Variants in PCDHGA2 observed in about 807,000 individuals in gnomAD.
The protein encoded by PCDHGA2 is protocadherin gamma-A2.
Under a neutral mutation model 59.2 loss-of-function variants are expected in PCDHGA2, and 40 were observed. The observed-to-expected ratio is 0.68, with a 90% CI of 0.52 to 0.88. The LOEUF (loss-of-function observed/expected upper bound fraction) is 0.88, where lower values mean the gene tolerates loss of function less well. PCDHGA2 is among the 40% of genes least tolerant of loss of function. The pLI is 0.00. For synonymous variants in PCDHGA2, 560 were observed against 526.0 expected (o/e 1.06, Z -0.89); for missense variants, 1,226 against 1,204.0 (o/e 1.02, Z -0.27).
At position 141,485,729 on chromosome 5, in the gene PCDHGA2, A is replaced by G. The variant is rs2099618322; in HGVS notation, c.2425-9078A>G. 6.2e-7 allele frequency: 1 copy of G among 1,614,092 alleles called. No individual in the cohort carries two copies. The highest frequency in any genetic ancestry group is 1.1e-5 in the South Asian group (1 of 91,094). ...CTTTGCACTGGATGTGAAGAAGCGCAGCGACGGCAGCCTGGTCCCAGAGCT... is the reference window on the plus strand; with the variant it reads ...CTTTGCACTGGATGTGAAGAAGCGCGGCGACGGCAGCCTGGTCCCAGAGCT... On this transcript the variant is annotated intron_variant, in intron 1 of 3. Coordinates refer to ENST00000394576, the MANE Select transcript of PCDHGA2 (RefSeq NM_018915.4). This position sits in a 1 kb window ranked among gnomAD's most constrained non-coding sequence, Gnocchi z 5.7.
intron 1 of PCDHGA2, chr5:141,356,266 G>A: frequency 6.4e-7 from 1 of 1,564,424 alleles, no homozygotes; most frequent in Non-Finnish European, 8.7e-7. Flanking sequence ...CACCAGCTCA[G>A]TCCAGGAATC....
rs980196319 is a variant in PCDHGA2 at position 141,511,604 on chromosome 5, A to C, written c.*431A>C. 3 of 248,420 alleles carry C rather than the reference A, an allele frequency of 1.2e-5. No individual in the cohort carries two copies. Among genetic ancestry groups the C allele is most frequent in the African/African-American group, 6.6e-5 (3 of 45,596 alleles). The allele number at this position is 248,420 out of a possible 1,614,324, so 15.4% of individuals were successfully genotyped here. Reference sequence around the variant, plus strand: ...GGTGTTGAAGTACCAAGTAACCTACAAGCCTCCTAGTTCTGAAAAGTTGGA... The same window carrying C: ...GGTGTTGAAGTACCAAGTAACCTACCAGCCTCCTAGTTCTGAAAAGTTGGA... On this transcript the variant is annotated 3_prime_UTR_variant, in exon 4 of 4. Coordinates refer to ENST00000394576, the MANE Select transcript of PCDHGA2 (RefSeq NM_018915.4).
chr5:141,388,426 T>C, intron 1 of PCDHGA2: 1 of 1,613,864 alleles, frequency 6.2e-7, no homozygotes, highest in Non-Finnish European at 8.5e-7. Context: ...TTCTCACTGA[T>C]AAATAAAGAG....
rs755462760 is a variant in PCDHGA2, at chr5:141,393,015, T to A, written c.2424+51620T>A. On this transcript the variant is annotated intron_variant, in intron 1 of 3. Coordinates refer to ENST00000394576, the MANE Select transcript of PCDHGA2 (RefSeq NM_018915.4). ...GGCGAAGCACGGAGTCCGTATCGTC[T>A]CCAGAGGTAGGACGCAGCTCTTTGC... The A allele has an allele frequency of 1.6e-5, 26 of 1,613,696 alleles. No individual in the cohort carries two copies. The highest frequency in any genetic ancestry group is 1.9e-5 in the Non-Finnish European group (22 of 1,179,874).
At chr5:141,360,870 C>G in intron 1 of PCDHGA2, 2 of 1,613,990 alleles carry the variant, frequency 1.2e-6, no homozygotes, top group Admixed American at 1.7e-5. Flanking sequence ...TCAGCCAGGA[C>G]GTGTACAGGG....
chr5:141,510,905 C>T lies in PCDHGA2; in HGVS notation c.2573-42C>T. 4 of 1,613,538 alleles carry T rather than the reference C, an allele frequency of 2.5e-6. No homozygotes were observed. In the South Asian group the frequency reaches 4.4e-5, roughly 18 times the overall value. ...GATATAAGACAGTGACTGTTGAGGA[C>T]CCTAAGTTTAGCTCCCACCTGATCT... On this transcript the variant is annotated intron_variant, in intron 3 of 3. Coordinates refer to ENST00000394576, the MANE Select transcript of PCDHGA2 (RefSeq NM_018915.4).
chr5:141,352,042 A>G, intron 1 of PCDHGA2: 1 of 1,608,126 alleles, frequency 6.2e-7, no homozygotes, highest in Non-Finnish European at 8.5e-7. Context: ...ACGCAGACTC[A>G]GGACACAACG....
In PCDHGA2 at chr5:141,489,984, T is replaced by C; in HGVS notation, c.2425-4823T>C. The C allele has an allele frequency of 1.2e-6, 2 of 1,614,212 alleles. No homozygotes were observed. Among genetic ancestry groups the C allele is most frequent in the South Asian group, 1.1e-5 (1 of 91,090 alleles). ...CAACCTTCCAATCCTCAGTTCTACG[T>C]GTGGGAATCCCAGAGAATGCACCCA... On this transcript the variant is annotated intron_variant, in intron 1 of 3. Transcript: ENST00000394576. The surrounding 1 kb of genome is among the most constrained non-coding windows in gnomAD (Gnocchi z 4.5).
intron 1 of PCDHGA2, chr5:141,414,528 C>T: frequency 6.2e-7 from 1 of 1,613,970 alleles, no homozygotes; most frequent in Non-Finnish European, 8.5e-7. Flanking sequence ...ATATCAATGA[C>T]AACCCACCTA....
intron 1 of PCDHGA2, chr5:141,409,838 G>T: frequency 6.2e-7 from 1 of 1,611,532 alleles, no homozygotes; most frequent in Non-Finnish European, 8.5e-7. Context: ...CAGCGCCAAC[G>T]TGAGCCTGCG....
chr5:141,389,996 C>T, intron 1 of PCDHGA2: 1 of 1,614,022 alleles, frequency 6.2e-7, no homozygotes, highest in Non-Finnish European at 8.5e-7. Context: ...TCCTCGTGGC[C>T]ATGATTCTGG....
intron 3 of PCDHGA2, among the ~76,000 whole-genome samples, chr5:141,505,793 GGACTTGGATC>G (rs2099848390): frequency 6.6e-6 from 1 of 152,142 alleles, no homozygotes; most frequent in Non-Finnish European, 1.5e-5. Flanking sequence ...ACTATCCTTG[GGACTTGGATC>G]GACTTGCTCA....
chr5:141,395,111 T>A, intron 1 of PCDHGA2: 1 of 1,613,670 alleles, frequency 6.2e-7, no homozygotes, highest in Non-Finnish European at 8.5e-7. Flanking sequence ...CGCGGAAGAG[T>A]CACCTGATCT....
At chr5:141,358,578 A>C (rs1241957472) in intron 1 of PCDHGA2, among the ~76,000 whole-genome samples, 4 of 152,212 alleles carry the variant, frequency 2.6e-5, no homozygotes, top group Non-Finnish European at 4.4e-5. Context: ...ACTATGTGTG[A>C]TTCCTCTGGT....
intron 1 of PCDHGA2, chr5:141,383,335 A>C (rs768493481): frequency 2.6e-5 from 42 of 1,613,892 alleles, no homozygotes; most frequent in Non-Finnish European, 3.4e-5. Flanking sequence ...AATGGAGAAT[A>C]CAGCTCCTGG....
At chr5:141,394,913 C>G (rs1284631853) in intron 1 of PCDHGA2, 2 of 1,613,780 alleles carry the variant, frequency 1.2e-6, no homozygotes, top group South Asian at 2.2e-5. Flanking sequence ...TGGCTGCCAT[C>G]TCCTGTGTCT....
At position 141,341,340 on chromosome 5, in the gene PCDHGA2, T is replaced by TTCTATCAGCACCCCAGTC. The variant is rs1757047503; in HGVS notation, c.2370_2371insCTATCAGCACCCCAGTCT (p.Ser792_Leu797dup). ...CAGGAGAGCTGTGAGAAAAAGGATT[T>TTCTATCAGCACCCCAGTC]TTTATCAGCGCCTCAATCTCTACTC... On this transcript the variant is annotated inframe_insertion, in exon 1 of 4. Coordinates refer to ENST00000394576, the MANE Select transcript of PCDHGA2 (RefSeq NM_018915.4). The TTCTATCAGCACCCCAGTC allele has an allele frequency of 6.2e-7, 1 of 1,614,140 alleles. No homozygotes were observed. Among genetic ancestry groups the TTCTATCAGCACCCCAGTC allele is most frequent in the Non-Finnish European group, 8.5e-7 (1 of 1,180,056 alleles).
At chr5:141,454,311 T>G (rs755771201) in intron 1 of PCDHGA2, among the ~76,000 whole-genome samples, 6 of 152,216 alleles carry the variant, frequency 3.9e-5, no homozygotes, top group Admixed American at 2.6e-4. Context: ...TTTCAAAGCA[T>G]TGAAACCTCC....
At chr5:141,507,786 GTCTAAGCC>G (rs1279265471) in intron 3 of PCDHGA2, among the ~76,000 whole-genome samples, 1 of 152,174 alleles carries the variant, frequency 6.6e-6, no homozygotes, top group Admixed American at 6.5e-5. Flanking sequence ...CCTGACCCTC[GTCTAAGCC>G]TGCGCCCTGG....
Sources: allele counts gnomAD v4.1 joint callset (sites outside exome capture counted in the v4.1 genomes callset), GRCh38; gene constraint gnomAD v4.1.1; non-coding constraint Gnocchi (gnomAD v3.1); transcripts MANE v1.5; gene names NCBI Gene and HGNC (gene_info 2026-07-23, HGNC 2026-07-21).